The following MAP4K4 variants were observed in gnomAD, a reference collection of about 807,000 sequenced individuals.
The protein encoded by MAP4K4 is mitogen-activated protein kinase kinase kinase kinase 4, also known as HPK/GCK-like kinase HGK.
A neutral mutation model predicts 189.6 loss-of-function variants in MAP4K4; 38 were observed. The ratio of observed to expected loss-of-function variants is 0.20; its 90% confidence interval spans 0.15 to 0.26. The LOEUF (loss-of-function observed/expected upper bound fraction) is 0.26. Among genes scored for constraint, MAP4K4 ranks in the 10% least tolerant of loss-of-function variants. The pLI, the probability that MAP4K4 is intolerant of heterozygous loss-of-function variation, is 1.00. For missense variants in MAP4K4, 1,054 were observed against 1,726.9 expected (o/e 0.61, Z 6.91); for synonymous variants, 610 against 624.3 (o/e 0.98, Z 0.34).
intron 12 of MAP4K4, 135 bp downstream of exon 12, chr2:101,844,446 C>A: frequency 1.4e-6 from 1 of 715,350 alleles, no homozygotes; most frequent in Non-Finnish European, 2.3e-6. Flanking sequence ...GTTTACATAA[C>A]TTGTGAAAGA....
chr2:101,713,980 G>A (rs2047055224), intron 2 of MAP4K4, among the ~76,000 whole-genome samples: 3 of 152,054 alleles, frequency 2.0e-5, no homozygotes, highest in Non-Finnish European at 2.9e-5. Context: ...TTACAATCTG[G>A]AACCTCATAT....
chr2:101,863,863 CCT>C lies in MAP4K4; in HGVS notation c.1910_1911del (p.Pro637ArgfsTer9). ...GGCATCTCTCAAGAACAATGTTTCC[CCT>C]GTCTCGCGATCCCATTCCTTCAGTG... On this transcript the variant is annotated frameshift_variant, in exon 17 of 33. Transcript: ENST00000324219. LOFTEE classifies it high-confidence loss of function. The C allele has an allele frequency of 7.3e-7, 1 of 1,367,694 alleles. No individual in the cohort carries two copies. Among genetic ancestry groups the C allele is most frequent in the Admixed American group, 1.9e-5 (1 of 52,588 alleles). The allele number at this position is 1,367,694 out of a possible 1,614,324, so 84.7% of individuals were successfully genotyped here.
intron 5 of MAP4K4, among the ~76,000 whole-genome samples, chr2:101,827,315 A>G (rs757764953): frequency 3.1e-4 from 47 of 152,122 alleles, no homozygotes; most frequent in Non-Finnish European, 6.0e-4. Flanking sequence ...TTGTGACAAA[A>G]GTTTAAATTA....
intron 3 of MAP4K4, among the ~76,000 whole-genome samples, chr2:101,821,028 T>C (rs1220658750): frequency 6.6e-6 from 1 of 152,200 alleles, no homozygotes; most frequent in Non-Finnish European, 1.5e-5. Context: ...AATAGAAGTG[T>C]TTTGTTTTAC....
chr2:101,711,345 C>G (rs972276938), intron 2 of MAP4K4, among the ~76,000 whole-genome samples: 1 of 151,980 alleles, frequency 6.6e-6, no homozygotes, highest in African/African-American at 2.4e-5. Flanking sequence ...ACCTCTGCCT[C>G]CAGGGTTCAA....
intron 2 of MAP4K4, among the ~76,000 whole-genome samples, chr2:101,783,455 G>T (rs1180760789): frequency 6.6e-6 from 1 of 152,124 alleles, no homozygotes; most frequent in Admixed American, 6.5e-5. Flanking sequence ...TCTTGAAGAA[G>T]TAATTCCCAG....
At chr2:101,836,336 C>A (rs1245434546) in intron 9 of MAP4K4, among the ~76,000 whole-genome samples, 3 of 152,156 alleles carry the variant, frequency 2.0e-5, no homozygotes, top group Non-Finnish European at 4.4e-5. Context: ...GTAATCCCAG[C>A]GTTTTGGGAG....
At chr2:101,880,033 G>C (rs2098338134) in intron 27 of MAP4K4, among the ~76,000 whole-genome samples, 5 of 151,856 alleles carry the variant, frequency 3.3e-5, no homozygotes. Flanking sequence ...TTTTGTAATT[G>C]GATTGTTGCT....
exon 10 of MAP4K4, chr2:101,839,968 G>A (rs138586532): frequency 6.9e-6 from 11 of 1,602,878 alleles, no homozygotes; most frequent in East Asian, 4.5e-5. Flanking sequence ...CATATAGATC[G>A]TACCAGGAAG....
chr2:101,848,952 A>T (rs1382016663), intron 12 of MAP4K4, among the ~76,000 whole-genome samples: 2 of 152,098 alleles, frequency 1.3e-5, no homozygotes, highest in Non-Finnish European at 2.9e-5. Flanking sequence ...GAGCTCATGC[A>T]GCCGAGTTCG....
chr2:101,777,311 C>T (rs908281753), intron 2 of MAP4K4, among the ~76,000 whole-genome samples: 13 of 152,276 alleles, frequency 8.5e-5, no homozygotes, highest in South Asian at 4.1e-4. Flanking sequence ...GTTTTCATAG[C>T]GGCACACAGC....
At chr2:101,753,197 G>T (rs1558738882) in intron 2 of MAP4K4, among the ~76,000 whole-genome samples, 1 of 152,126 alleles carries the variant, frequency 6.6e-6, no homozygotes, top group Non-Finnish European at 1.5e-5. Context: ...CTGATGTATA[G>T]GTACAGAGCT....
chr2:101,742,212 G>GA (rs2063145615), intron 2 of MAP4K4, among the ~76,000 whole-genome samples: 1 of 152,150 alleles, frequency 6.6e-6, no homozygotes, highest in South Asian at 2.1e-4. Flanking sequence ...GTCCAGGAGA[G>GA]AATCTGAGCG....
exon 17 of MAP4K4, chr2:101,864,032 G>C: frequency 7.3e-7 from 1 of 1,364,568 alleles, no homozygotes; most frequent in Non-Finnish European, 9.8e-7. Flanking sequence ...AGATCAGACA[G>C]TGACGAGGTG....
At chr2:101,744,268 C>CAT (rs2064150307) in intron 2 of MAP4K4, among the ~76,000 whole-genome samples, 1 of 152,140 alleles carries the variant, frequency 6.6e-6, no homozygotes, top group South Asian at 2.1e-4. Flanking sequence ...CTATTTTAGC[C>CAT]ATACTGCTAT....
chr2:101,890,843 C>G (rs968001043), intron 32 of MAP4K4, among the ~76,000 whole-genome samples: 2 of 151,976 alleles, frequency 1.3e-5, no homozygotes, highest in African/African-American at 4.8e-5. Context: ...TCACTGCAGC[C>G]TCCACCTCCC....
chr2:101,781,547 G>A (rs1217131294), intron 2 of MAP4K4, among the ~76,000 whole-genome samples: 1 of 152,116 alleles, frequency 6.6e-6, no homozygotes, highest in African/African-American at 2.4e-5. Flanking sequence ...TGAGAGGGAG[G>A]GGGAAGGGGA....
Position 101,786,592 on chromosome 2 carries a change from A to G in MAP4K4, c.124-4128A>G, listed in dbSNP as rs2091331000. On this transcript the variant is annotated intron_variant, in intron 2 of 32. Transcript: ENST00000324219. ...TGTCTGCTAACCCTTAAAAGCATAGAGGGGAAGTAACTTAAGCTGTTTCTT... is the reference window on the plus strand; with the variant it reads ...TGTCTGCTAACCCTTAAAAGCATAGGGGGGAAGTAACTTAAGCTGTTTCTT... 3.9e-5 allele frequency among the ~76,000 whole-genome samples: 6 copies of G among 152,210 alleles called. No homozygotes were observed. The South Asian group carries it at 1.2e-3, about 32-fold the overall frequency.
At chr2:101,791,937 C>T (rs1250467376) in intron 3 of MAP4K4, among the ~76,000 whole-genome samples, 1 of 152,124 alleles carries the variant, frequency 6.6e-6, no homozygotes, top group Non-Finnish European at 1.5e-5. Context: ...AGTTGAATGG[C>T]CAAAAGATTC....
Sources: allele counts gnomAD v4.1 joint callset (sites outside exome capture counted in the v4.1 genomes callset), GRCh38; gene constraint gnomAD v4.1.1; transcripts MANE v1.5; gene names NCBI Gene and HGNC (gene_info 2026-07-23, HGNC 2026-07-21).